Variants in RAB3C observed in about 807,000 individuals in gnomAD.
RAB3C encodes the protein RAB3C, member RAS oncogene family.
A neutral mutation model predicts 26.4 loss-of-function variants in RAB3C; 17 were observed. The ratio of observed to expected loss-of-function variants is 0.64; its 90% CI spans 0.44 to 0.97. The LOEUF (loss-of-function observed/expected upper bound fraction) is 0.97, where lower values mean the gene tolerates loss of function less well. Ranked by LOEUF, RAB3C falls within the 50% of genes least tolerant of loss-of-function variation. The probability of loss-of-function intolerance (pLI) is 0.00; values close to 1 mark genes in which losing one functional copy is unlikely to be tolerated. For missense variants in RAB3C, 242 were observed against 281.9 expected (o/e 0.86, Z 1.01); for synonymous variants, 91 against 95.9 (o/e 0.95, Z 0.30).
rs1175890816 is a variant in RAB3C at position 58,813,633 on chromosome 5, T to TATATATAC, written c.372-11404_372-11403insTATATACA. 1.4e-3 allele frequency among the ~76,000 whole-genome samples: 24 copies of TATATATAC among 17,256 alleles called. 1 individual carries two copies. Among genetic ancestry groups the TATATATAC allele is most frequent in the Non-Finnish European group, 2.2e-3 (15 of 6,880 alleles). 11.3% of individuals were successfully genotyped at this position (17,256 alleles called of 152,430 possible). A position where few individuals can be genotyped will look rare whatever the true frequency, so the allele number is the denominator to read the frequency against. Reference sequence around the variant, plus strand: ...ATATATATATATATATATATATATATACACACACACACACACATATACATA... The same window carrying TATATATAC: ...ATATATATATATATATATATATATATATATATACACACACACACACACACATATACATA... On this transcript the variant is annotated intron_variant, in intron 3 of 4. Coordinates refer to ENST00000282878, the MANE Select transcript of RAB3C (RefSeq NM_138453.4).
At chr5:58,673,369 C>T (rs1179582808) in intron 2 of RAB3C, among the ~76,000 whole-genome samples, 1 of 151,992 alleles carries the variant, frequency 6.6e-6, no homozygotes, top group Admixed American at 6.6e-5. Flanking sequence ...GTTTCTTCCC[C>T]ATCAAGCCTG....
chr5:58,701,677 G>A (rs1748845225), intron 2 of RAB3C, among the ~76,000 whole-genome samples: 1 of 152,188 alleles, frequency 6.6e-6, no homozygotes, highest in East Asian at 1.9e-4. Flanking sequence ...GCCTTCTCCG[G>A]CATTCAGAGG....
chr5:58,779,498 T>C (rs1561127575), intron 3 of RAB3C, among the ~76,000 whole-genome samples: 1 of 151,898 alleles, frequency 6.6e-6, no homozygotes, highest in Non-Finnish European at 1.5e-5. Flanking sequence ...GATCCTCCTG[T>C]CACAGTCTTC....
At chr5:58,624,368 C>T (rs1747009514) in intron 2 of RAB3C, among the ~76,000 whole-genome samples, 1 of 152,144 alleles carries the variant, frequency 6.6e-6, no homozygotes, top group Non-Finnish European at 1.5e-5. Flanking sequence ...CGGATTGATA[C>T]AAGATGCTAA....
intron 3 of RAB3C, among the ~76,000 whole-genome samples, chr5:58,806,799 C>CTTGAGTT (rs1260828968): frequency 1.3e-5 from 2 of 152,158 alleles, no homozygotes; most frequent in Non-Finnish European, 2.9e-5. Flanking sequence ...AAACCCATTG[C>CTTGAGTT]TTGAGTTTTT....
chr5:58,805,462 A>G lies in RAB3C; in HGVS notation c.372-19576A>G, dbSNP rs1028629589. 3.3e-5 allele frequency among the ~76,000 whole-genome samples: 5 copies of G among 151,540 alleles called. No individual in the cohort carries two copies. The East Asian group carries it at 9.7e-4, about 29-fold the overall frequency. ...TAGCCAGGTGTGGTAGTGCGCGCCT[A>G]TAATCCCATCTACACAGGGGGCTGA... On this transcript the variant is annotated intron_variant, in intron 3 of 4. Transcript: ENST00000282878.
chr5:58,630,526 A>G (rs1747165990), intron 2 of RAB3C, among the ~76,000 whole-genome samples: 1 of 152,256 alleles, frequency 6.6e-6, no homozygotes, highest in African/African-American at 2.4e-5. Flanking sequence ...ATTAGTGAGA[A>G]AAGTGGCATT....
Position 58,747,976 on chromosome 5 carries a change from G to T in RAB3C, c.371+21856G>T, listed in dbSNP as rs181647140. Among the ~76,000 whole-genome samples, 331 of 152,192 alleles carry T rather than the reference G, an allele frequency of 2.2e-3. 2 individuals carry two copies. Among genetic ancestry groups the T allele is most frequent in the African/African-American group, 7.4e-3 (307 of 41,538 alleles). On this transcript the variant is annotated intron_variant, in intron 3 of 4. Transcript: ENST00000282878. ...TCGTCTTTGGGGAAAAGAAAAAAGA[G>T]TCTATGCTGTTGCTGCAGGTGGCCA...
intron 1 of RAB3C, among the ~76,000 whole-genome samples, chr5:58,608,245 A>C (rs1377378393): frequency 1.3e-5 from 2 of 152,124 alleles, no homozygotes; most frequent in Non-Finnish European, 2.9e-5. Flanking sequence ...AAGATCTACC[A>C]AGCAAATGGA....
chr5:58,811,434 A>C (rs1411801745), intron 3 of RAB3C, among the ~76,000 whole-genome samples: 1 of 152,058 alleles, frequency 6.6e-6, no homozygotes, highest in Non-Finnish European at 1.5e-5. Context: ...CAATCAATTA[A>C]AAAAATGCTT....
chr5:58,619,175 C>T (rs919113056), intron 2 of RAB3C, among the ~76,000 whole-genome samples: 1 of 152,126 alleles, frequency 6.6e-6, no homozygotes, highest in Non-Finnish European at 1.5e-5. Flanking sequence ...TGTTCTAACT[C>T]TAGAGTCTTT....
At chr5:58,612,532 A>G (rs113393942) in intron 1 of RAB3C, among the ~76,000 whole-genome samples, 30,918 of 84,642 alleles carry the variant, frequency 0.37, 4,326 homozygotes, top group East Asian at 0.61. Flanking sequence ...ATATATATAT[A>G]TATATATATA....
intron 1 of RAB3C, among the ~76,000 whole-genome samples, chr5:58,616,221 C>T (rs1746822907): frequency 6.6e-6 from 1 of 152,168 alleles, no homozygotes. Context: ...TGCCAATGTT[C>T]TGTATTTGCA....
At chr5:58,690,282 G>A (rs1258240633) in intron 2 of RAB3C, among the ~76,000 whole-genome samples, 1 of 152,010 alleles carries the variant, frequency 6.6e-6, no homozygotes, top group Non-Finnish European at 1.5e-5. Context: ...ATTCATTCCT[G>A]TTTCAGTTAT....
intron 2 of RAB3C, among the ~76,000 whole-genome samples, chr5:58,705,725 T>C (rs934165552): frequency 6.6e-6 from 1 of 152,136 alleles, no homozygotes; most frequent in African/African-American, 2.4e-5. Context: ...GTCTTCCCCC[T>C]ACCCACTTGC....
intron 2 of RAB3C, among the ~76,000 whole-genome samples, chr5:58,677,324 G>C (rs1318870663): frequency 6.6e-6 from 1 of 152,126 alleles, no homozygotes; most frequent in Non-Finnish European, 1.5e-5. Flanking sequence ...TAAATTTCGG[G>C]GAGTGGGCAC....
At chr5:58,751,679 G>T (rs964014193) in intron 3 of RAB3C, among the ~76,000 whole-genome samples, 7 of 152,190 alleles carry the variant, frequency 4.6e-5, no homozygotes, top group Non-Finnish European at 1.0e-4. Context: ...CTGTTTAGTG[G>T]TAACGACTTC....
intron 2 of RAB3C, among the ~76,000 whole-genome samples, chr5:58,690,725 A>G (rs1397298673): frequency 6.6e-6 from 1 of 152,180 alleles, no homozygotes; most frequent in Non-Finnish European, 1.5e-5. Context: ...AGGCTGAGAA[A>G]TGGCACAAGG....
At chr5:58,599,998 C>T (rs1746415629) in intron 1 of RAB3C, among the ~76,000 whole-genome samples, 1 of 152,080 alleles carries the variant, frequency 6.6e-6, no homozygotes, top group Non-Finnish European at 1.5e-5. Flanking sequence ...GGTTTAAGTC[C>T]TTAATCCATC....
Sources: gnomAD v4.1 joint callset for allele counts (sites outside exome capture counted in the v4.1 genomes callset) on GRCh38, gnomAD v4.1.1 for gene constraint, MANE v1.5 for transcripts, NCBI Gene and HGNC (gene_info 2026-07-23, HGNC 2026-07-21) for gene names.